WWOX: variants seen among roughly 807,000 people sequenced by gnomAD.
WWOX encodes WW domain-containing oxidoreductase.
A neutral mutation model predicts 46.2 loss-of-function variants in WWOX; 69 were observed. That is an observed-to-expected ratio of 1.49 (90% CI 1.23 to 1.82). WWOX has a LOEUF of 1.82. Among genes scored for constraint, WWOX ranks in the 40% most tolerant of loss-of-function variants. The pLI, the probability that WWOX is intolerant of heterozygous loss-of-function variation, is 0.00. For synonymous variants in WWOX, 359 were observed against 202.6 expected (o/e 1.77, Z -6.56); for missense variants, 919 against 542.6 (o/e 1.69, Z -6.89).
Position 78,927,908 on chromosome 16 carries a change from C to G in WWOX, c.1057-283700C>G, listed in dbSNP as rs1240778847. The stretch of plus-strand genomic sequence containing the variant: ...CTTTTACCCAGACACTTACATATTC[C>G]TAGCCATTCCTTTTGCTTAAGTTTG... On this transcript the variant is annotated intron_variant, in intron 8 of 8. Transcript: ENST00000566780. Among the ~76,000 whole-genome samples the G allele has an allele frequency of 2.0e-5, 3 of 152,096 alleles. 1 individual carries two copies. The highest frequency in any genetic ancestry group is 7.2e-5 in the African/African-American group (3 of 41,410).
chr16:78,635,767 C>G (rs2046552134), intron 8 of WWOX, among the ~76,000 whole-genome samples: 1 of 152,104 alleles, frequency 6.6e-6, no homozygotes, highest in Non-Finnish European at 1.5e-5. Flanking sequence ...CATCATTTTG[C>G]CCTTGAGCTG....
In WWOX at chr16:78,962,326, TAAAAA is replaced by T. The variant is rs58171350; in HGVS notation, c.1057-249271_1057-249267del. ...CCTTTTTTTTTTTTTTTTTTTTTTT[TAAAAA>T]AAAAAAAAAAGAAGGAATGTGATTG... On this transcript the variant is annotated intron_variant, in intron 8 of 8. Transcript: ENST00000566780. Among the ~76,000 whole-genome samples the T allele has an allele frequency of 2.3e-4, 13 of 55,916 alleles. No individual in the cohort carries two copies. In the East Asian group the frequency reaches 2.7e-3, roughly 11 times the overall value. 36.7% of individuals were successfully genotyped at this position (55,916 alleles called of 152,430 possible).
At chr16:78,729,590 G>A (rs559516111) in intron 8 of WWOX, among the ~76,000 whole-genome samples, 5 of 152,186 alleles carry the variant, frequency 3.3e-5, no homozygotes, top group African/African-American at 1.2e-4. Context: ...TGCTGGAAGA[G>A]ATACTGGAAG....
chr16:78,684,934 G>A (rs954569438), intron 8 of WWOX, among the ~76,000 whole-genome samples: 2 of 152,178 alleles, frequency 1.3e-5, no homozygotes, highest in Non-Finnish European at 2.9e-5. Flanking sequence ...AACACATGTT[G>A]TTTTACAGCT....
chr16:78,681,410 C>T (rs1332044924), intron 8 of WWOX, among the ~76,000 whole-genome samples: 1 of 152,032 alleles, frequency 6.6e-6, no homozygotes, highest in Non-Finnish European at 1.5e-5. Flanking sequence ...TCTCAAAAAA[C>T]CAAAACAAAG....
intron 5 of WWOX, among the ~76,000 whole-genome samples, chr16:78,233,355 A>C (rs1382120116): frequency 6.6e-6 from 1 of 151,988 alleles, no homozygotes; most frequent in Non-Finnish European, 1.5e-5. Flanking sequence ...CCTTTTAACA[A>C]ATTTTTAAAT....
chr16:78,668,292 C>T (rs182208524), intron 8 of WWOX, among the ~76,000 whole-genome samples: 2 of 152,178 alleles, frequency 1.3e-5, no homozygotes, highest in Admixed American at 6.6e-5. Context: ...AACAAACAAA[C>T]AAAAAACATA....
At chr16:78,825,631 G>T in intron 8 of WWOX, 1 of 516,378 alleles carries the variant, frequency 1.9e-6, no homozygotes, top group South Asian at 1.6e-5. Context: ...CGGAGGGCCT[G>T]CGATGGTGGG....
At chr16:78,585,198 A>G (rs537571580) in intron 8 of WWOX, among the ~76,000 whole-genome samples, 10 of 152,356 alleles carry the variant, frequency 6.6e-5, no homozygotes, top group African/African-American at 2.4e-4. Flanking sequence ...ACCACAGGAC[A>G]GCTTAAATGG....
At chr16:78,852,303 A>G (rs1018185183) in intron 8 of WWOX, among the ~76,000 whole-genome samples, 1 of 152,176 alleles carries the variant, frequency 6.6e-6, no homozygotes, top group Non-Finnish European at 1.5e-5. Flanking sequence ...TACAGGGGGA[A>G]GTGATAGCGC....
intron 8 of WWOX, among the ~76,000 whole-genome samples, chr16:78,952,950 C>T (rs1028006619): frequency 6.6e-6 from 1 of 151,942 alleles, no homozygotes; most frequent in Non-Finnish European, 1.5e-5. Flanking sequence ...GATGGGCCAG[C>T]AAAGGCTTCA....
chr16:78,120,940 G>A (rs1197752885), intron 4 of WWOX, among the ~76,000 whole-genome samples: 1 of 150,300 alleles, frequency 6.7e-6, no homozygotes, highest in African/African-American at 2.4e-5. Flanking sequence ...ATACCTAAAT[G>A]TTACTAAATT....
intron 8 of WWOX, among the ~76,000 whole-genome samples, chr16:78,555,100 C>A (rs957637612): frequency 6.7e-6 from 1 of 149,022 alleles, no homozygotes; most frequent in Non-Finnish European, 1.5e-5. Flanking sequence ...GGATTTTTTC[C>A]TCTTTGTCTC....
intron 8 of WWOX, among the ~76,000 whole-genome samples, chr16:79,172,576 T>A (rs538313206): frequency 6.6e-6 from 1 of 152,196 alleles, no homozygotes; most frequent in Non-Finnish European, 1.5e-5. Context: ...GGAAAGAACC[T>A]GTGGAGCCTC....
intron 8 of WWOX, among the ~76,000 whole-genome samples, chr16:79,171,249 G>A (rs990384514): frequency 6.6e-6 from 1 of 152,072 alleles, no homozygotes; most frequent in Admixed American, 6.5e-5. Context: ...GCTCAGAGGA[G>A]GAATTAACTC....
At chr16:78,927,863 C>T (rs1484370648) in intron 8 of WWOX, among the ~76,000 whole-genome samples, 2 of 152,140 alleles carry the variant, frequency 1.3e-5, no homozygotes, top group Non-Finnish European at 2.9e-5. Context: ...TTGTTTCTAA[C>T]TGAAGTTCAA....
intron 8 of WWOX, among the ~76,000 whole-genome samples, chr16:78,662,046 A>G (rs921480965): frequency 4.6e-5 from 7 of 152,140 alleles, no homozygotes; most frequent in Non-Finnish European, 1.0e-4. Context: ...CATGTCTCAA[A>G]ATAATGATAA....
intron 8 of WWOX, among the ~76,000 whole-genome samples, chr16:79,129,974 C>G (rs1567570149): frequency 6.6e-6 from 1 of 152,160 alleles, no homozygotes; most frequent in Non-Finnish European, 1.5e-5. Flanking sequence ...GTTTCCTCAT[C>G]TGTAAAATAG....
intron 5 of WWOX, among the ~76,000 whole-genome samples, chr16:78,188,579 T>G (rs1219331365): frequency 6.6e-6 from 1 of 152,024 alleles, no homozygotes; most frequent in Non-Finnish European, 1.5e-5. Context: ...CAGCTTTACT[T>G]GAAAAATCCC....
Sources: gnomAD v4.1 joint callset for allele counts (sites outside exome capture counted in the v4.1 genomes callset) on GRCh38, gnomAD v4.1.1 for gene constraint, MANE v1.5 for transcripts, NCBI Gene and HGNC (gene_info 2026-07-23, HGNC 2026-07-21) for gene names.